The following ALG12 variants were observed in gnomAD, a reference collection of about 807,000 sequenced individuals.
ALG12 encodes ALG12 alpha-1,6-mannosyltransferase.
In ALG12, 36 loss-of-function variants were observed where a neutral mutation model predicts 46.0. The observed-to-expected ratio is 0.78, with a 90% CI of 0.60 to 1.03. The LOEUF (loss-of-function observed/expected upper bound fraction) is 1.03, where lower values mean the gene tolerates loss of function less well. Among genes scored for constraint, ALG12 ranks in the 50% least tolerant of loss-of-function variants. ALG12 has a pLI of 0.00. For synonymous variants in ALG12, 326 were observed against 291.6 expected, an observed-to-expected ratio of 1.12 and a Z score of -1.20; for missense variants, 599 against 633.5, an observed-to-expected ratio of 0.95 and a Z score of 0.58.
At chr22:49,886,560 G>A in the ALG12 span, 3 of 1,558,466 alleles carry the variant, frequency 1.9e-6, no homozygotes, top group Middle Eastern at 1.7e-4. This position sits in a 1 kb window ranked among gnomAD's most constrained non-coding sequence, Gnocchi z 7.7. Context: ...TCCTCAACAG[G>A]AAGGTGGAGA....
At chr22:49,864,076 G>A in the ALG12 span, among the ~76,000 whole-genome samples, 1 of 152,186 alleles carries the variant, frequency 6.6e-6, no homozygotes, top group Admixed American at 6.5e-5. Context: ...GGGCTTGGAA[G>A]TTTCAAAACC....
At chr22:49,892,949 C>G in the ALG12 span, among the ~76,000 whole-genome samples, 3 of 152,148 alleles carry the variant, frequency 2.0e-5, no homozygotes, top group African/African-American at 7.2e-5. Context: ...CAGACACGGA[C>G]TTTATGATTT....
rs140846613 is a variant in ALG12 at position 49,913,886 on chromosome 22, T to C, written c.-78-43A>G. 1.4e-3 allele frequency: 1,919 copies of C among 1,350,748 alleles called. 15 individuals carry two copies. The Admixed American group carries it at 0.018, about 13-fold the overall frequency. 83.7% of individuals were successfully genotyped at this position (1,350,748 alleles called of 1,614,324 possible). On this transcript the variant is annotated intron_variant, in intron 1 of 9. Coordinates refer to ENST00000330817, the MANE Select transcript of ALG12 (RefSeq NM_024105.4). The stretch of plus-strand genomic sequence containing the variant: ...GATTCCTGAGGTTCGAAAGTCACGC[T>C]TGCGCTCACGTTTGGGAGATCCGGG...
intron 1 of ALG12, among the ~76,000 whole-genome samples, chr22:49,914,392 G>A (rs1298608039): frequency 3.3e-5 from 5 of 152,276 alleles, no homozygotes; most frequent in African/African-American, 9.6e-5. Context: ...GGATGGGGCT[G>A]TGGACGCCTG....
At chr22:49,884,959 G>C in the ALG12 span, 1 of 1,612,054 alleles carries the variant, frequency 6.2e-7, no homozygotes, top group Non-Finnish European at 8.5e-7. Flanking sequence ...GAAGCAGCAG[G>C]CTGATGGGCT....
chr22:49,902,180 GGT>G lies in ALG12; in HGVS notation c.*1656_*1657del, dbSNP rs2060513583. 7.0e-6 allele frequency: 1 copy of G among 141,884 alleles called. No individual in the cohort carries two copies. The highest frequency in any genetic ancestry group is 2.2e-4 in the South Asian group (1 of 4,458). The allele number at this position is 141,884 out of a possible 1,614,324, so 8.8% of individuals were successfully genotyped here. ...GTGTGTGCACGTGTGCACTGTGTGT[GGT>G]GTGTATGCATGGTGTGTGCACATGT... is the stretch of plus-strand genomic sequence containing the variant. On this transcript the variant is annotated 3_prime_UTR_variant, in exon 10 of 10. Transcript: ENST00000330817.
At chr22:49,868,271 G>A in the ALG12 span, among the ~76,000 whole-genome samples, 4 of 152,186 alleles carry the variant, frequency 2.6e-5, no homozygotes, top group African/African-American at 4.8e-5. Flanking sequence ...AATATAGGCA[G>A]TGTTACAAGC....
In ALG12 at chr22:49,905,242, T is replaced by C. The variant is rs992824068; in HGVS notation, c.993-736A>G. On this transcript the variant is annotated intron_variant, in intron 7 of 9. Transcript: ENST00000330817. The surrounding 1 kb of genome is among the most constrained non-coding windows in gnomAD (Gnocchi z 4.9). Reference sequence around the variant, plus strand: ...TGTGGCCCACGAAGATGAGGCTCTTTATTAGCTGGTCCTTAACGGAAAAGC... The same window carrying C: ...TGTGGCCCACGAAGATGAGGCTCTTCATTAGCTGGTCCTTAACGGAAAAGC... Among the ~76,000 whole-genome samples, 7 of 152,158 alleles carry C rather than the reference T, an allele frequency of 4.6e-5. No individual in the cohort carries two copies. The highest frequency in any genetic ancestry group is 1.0e-4 in the Non-Finnish European group (7 of 68,038).
chr22:49,874,527 A>T, the ALG12 span, among the ~76,000 whole-genome samples: 2 of 151,470 alleles, frequency 1.3e-5, no homozygotes, highest in African/African-American at 4.9e-5. Context: ...CTGGGATTAC[A>T]GGGGCCCACC....
the ALG12 span, among the ~76,000 whole-genome samples, chr22:49,872,948 G>A: frequency 5.3e-5 from 8 of 152,124 alleles, no homozygotes; most frequent in East Asian, 1.9e-4. Context: ...CACCCGCCTC[G>A]GCCTCCCAAA....
the ALG12 span, among the ~76,000 whole-genome samples, chr22:49,879,978 C>T: frequency 1.3e-5 from 2 of 151,116 alleles, no homozygotes; most frequent in Non-Finnish European, 3.0e-5. Flanking sequence ...AGGTGGTTTT[C>T]TCCCGCTTCA....
At chr22:49,916,824 C>T (rs1363227407) in intron 1 of ALG12, among the ~76,000 whole-genome samples, 3 of 152,226 alleles carry the variant, frequency 2.0e-5, no homozygotes, top group East Asian at 1.9e-4. Context: ...GGAGCATCTA[C>T]GTGCCAAGAT....
At chr22:49,863,669 T>C in the ALG12 span, among the ~76,000 whole-genome samples, 2 of 152,190 alleles carry the variant, frequency 1.3e-5, no homozygotes, top group Non-Finnish European at 2.9e-5. Context: ...GAGTTATTGC[T>C]TCTTTATGTA....
In ALG12 at chr22:49,913,648, GC is replaced by G. The variant is rs761221480; in HGVS notation, c.117del (p.Gln40ArgfsTer34). ...PYTKVEESFN[L>X]QATHDLLYHW... ...TGGTAGAGCAGGTCATGTGTGGCCT[GC>G]AGGTTGAAGCTCTCCTCCACTTTGG... On this transcript the variant is annotated frameshift_variant, in exon 2 of 10. Transcript: ENST00000330817. LOFTEE classifies it high-confidence loss of function. 2.5e-6 allele frequency: 4 copies of G among 1,614,014 alleles called. No individual in the cohort carries two copies. The Admixed American group carries it at 6.7e-5, about 27-fold the overall frequency.
chr22:49,893,206 A>C, the ALG12 span, among the ~76,000 whole-genome samples: 1 of 152,228 alleles, frequency 6.6e-6, no homozygotes. Context: ...CACACAGCTG[A>C]CGGGAGTCCC....
At chr22:49,897,373 A>G (rs771470884), downstream of ALG12, among the ~76,000 whole-genome samples, 7 of 152,158 alleles carry the variant, frequency 4.6e-5, no homozygotes, top group Non-Finnish European at 8.8e-5. Flanking sequence ...ACAGGGTAAG[A>G]GTATGCTTAG....
At chr22:49,869,056 G>A in the ALG12 span, among the ~76,000 whole-genome samples, 30 of 151,618 alleles carry the variant, frequency 2.0e-4, no homozygotes, top group Non-Finnish European at 3.5e-4. Flanking sequence ...CCCAGGAGGC[G>A]GAGGTTGGGT....
In ALG12 at chr22:49,904,403, A is replaced by G; in HGVS notation, c.1096T>C (p.Ser366Pro). Residue 366 changes from serine (S) to proline (P), a missense_variant, in exon 8 of 10, where the codon TCC becomes CCC. Physicochemically the swap from Ser to Pro is moderately conservative, Grantham distance 74. Transcript: ENST00000330817. Reference protein sequence around the residue: ...AAYSATALYVSHFNYPGGVAM... With the variant: ...AAYSATALYVPHFNYPGGVAM... ...ACGCCACCTGGGTAGTTGAAATGGG[A>G]CACATACAGGGCCGTGGCTGAGTAG... 2 of 1,614,144 alleles carry G rather than the reference A, an allele frequency of 1.2e-6. No homozygotes were observed. Among genetic ancestry groups the G allele is most frequent in the Non-Finnish European group, 1.7e-6 (2 of 1,180,020 alleles).
downstream of ALG12, among the ~76,000 whole-genome samples, chr22:49,897,529 AG>A (rs1465846382): frequency 6.6e-6 from 1 of 152,180 alleles, no homozygotes; most frequent in African/African-American, 2.4e-5. Flanking sequence ...ACAAGTGCGT[AG>A]TGGTGTCTCA....
Sources: gnomAD v4.1 joint callset for allele counts (sites outside exome capture counted in the v4.1 genomes callset) on GRCh38, gnomAD v4.1.1 for gene constraint, Gnocchi (gnomAD v3.1) non-coding constraint, MANE v1.5 for transcripts, NCBI Gene and HGNC (gene_info 2026-07-23, HGNC 2026-07-21) for gene names.